The following SEPTIN9 variants were observed in gnomAD, a reference collection of about 807,000 sequenced individuals.
The protein encoded by SEPTIN9 is septin 9.
A neutral mutation model predicts 56.6 loss-of-function variants in SEPTIN9; 13 were observed. The observed-to-expected ratio is 0.23, with a 90% CI of 0.15 to 0.37. SEPTIN9 has a LOEUF of 0.37. Among genes scored for constraint, SEPTIN9 ranks in the 10% least tolerant of loss-of-function variants. The pLI is 1.00. For synonymous variants in SEPTIN9, 332 were observed against 334.1 expected (o/e 0.99, Z 0.07); for missense variants, 650 against 823.1 (o/e 0.79, Z 2.57).
Position 77,498,645 on chromosome 17 carries a change from C to T in SEPTIN9, c.1748C>T (p.Ala583Val), listed in dbSNP as rs764077284. The T allele has an allele frequency of 2.5e-6, 4 of 1,609,016 alleles. No individual in the cohort carries two copies. Among genetic ancestry groups the T allele is most frequent in the Non-Finnish European group, 3.4e-6 (4 of 1,178,178 alleles). Residue 583 changes from alanine (A) to valine (V), a missense_variant, in exon 12 of 12, where the codon GCC (alanine) becomes GTC (valine). Coordinates refer to ENST00000427177, the MANE Select transcript of SEPTIN9 (RefSeq NM_001113491.2). ...ANGMEEKEPE[A>V]PEM ...GGCATGGAGGAGAAGGAGCCAGAAG[C>T]CCCGGAGATGTAGACGCCACCCTGC... is the stretch of plus-strand genomic sequence containing the variant.
rs1459669747 is a variant in SEPTIN9 at position 77,487,909 on chromosome 17, A to G, written c.1043-331A>G. On this transcript the variant is annotated intron_variant, in intron 5 of 11. Coordinates refer to ENST00000427177, the MANE Select transcript of SEPTIN9 (RefSeq NM_001113491.2). The surrounding 1 kb of genome is among the most constrained non-coding windows in gnomAD (Gnocchi z 4.3). Reference sequence around the variant, plus strand: ...AGTCAGGCAATCCCAGGTCCCCAAGACGGGGACTCGCTGTGCCCACCATCC... The same window carrying G: ...AGTCAGGCAATCCCAGGTCCCCAAGGCGGGGACTCGCTGTGCCCACCATCC... 6.6e-6 allele frequency among the ~76,000 whole-genome samples: 1 copy of G among 152,108 alleles called. No homozygotes were observed. The highest frequency in any genetic ancestry group is 1.5e-5 in the Non-Finnish European group (1 of 68,004).
At chr17:77,454,653 C>A (rs2038116289) in intron 3 of SEPTIN9, among the ~76,000 whole-genome samples, 1 of 152,252 alleles carries the variant, frequency 6.6e-6, no homozygotes, top group Admixed American at 6.5e-5. Flanking sequence ...ACCTTCCCCA[C>A]CTCAGCCCCT....
intron 2 of SEPTIN9, among the ~76,000 whole-genome samples, chr17:77,342,397 C>T (rs1221158375): frequency 6.6e-6 from 1 of 152,222 alleles, no homozygotes; most frequent in East Asian, 1.9e-4. Context: ...TTCGCCATCT[C>T]CCTCTCATCA....
intron 10 of SEPTIN9, 147 bp from the exon 11 acceptor site, chr17:77,497,168 A>G (rs2040303582): frequency 2.6e-6 from 2 of 761,044 alleles, no homozygotes; most frequent in Non-Finnish European, 4.7e-6. Flanking sequence ...TCAGCTGCAG[A>G]GCAGGTGGTT....
At chr17:77,472,740 C>T (rs1388519490) in intron 3 of SEPTIN9, 1 of 152,224 alleles carries the variant, frequency 6.6e-6, no homozygotes, top group Non-Finnish European at 1.5e-5. Flanking sequence ...GGCAGAGTCT[C>T]AGATTTCCGG....
intron 3 of SEPTIN9, among the ~76,000 whole-genome samples, chr17:77,480,044 TGAA>T (rs1465465419): frequency 6.6e-6 from 1 of 152,076 alleles, no homozygotes; most frequent in African/African-American, 2.4e-5. Context: ...AGCAAAGCCC[TGAA>T]GGCTTCCAGG....
At position 77,433,213 on chromosome 17, in the gene SEPTIN9, T is replaced by G. The variant is rs1273245279; in HGVS notation, c.721+30510T>G. Among the ~76,000 whole-genome samples, 2 of 152,114 alleles carry G rather than the reference T, an allele frequency of 1.3e-5. No individual in the cohort carries two copies. Among genetic ancestry groups the G allele is most frequent in the Non-Finnish European group, 2.9e-5 (2 of 68,024 alleles). On this transcript the variant is annotated intron_variant, in intron 3 of 11. Transcript: ENST00000427177. This position sits in a 1 kb window ranked among gnomAD's most constrained non-coding sequence, Gnocchi z 6.4. ...CATCCCACCATCTCCAGCCGTGGTG[T>G]CCCTCTCGGTCACAGGATGCTGCAG...
In SEPTIN9 at chr17:77,371,678, C is replaced by T. The variant is rs1161151859; in HGVS notation, c.77-30381C>T. On this transcript the variant is annotated intron_variant, in intron 2 of 11. Coordinates refer to ENST00000427177, the MANE Select transcript of SEPTIN9 (RefSeq NM_001113491.2). This position sits in a 1 kb window ranked among gnomAD's most constrained non-coding sequence, Gnocchi z 4.1. ...GAGTTCAGACAAGACATACCCTGGC[C>T]TGGCGTGGAAGATACGGGGTGCTAT... is the stretch of plus-strand genomic sequence containing the variant. Among the ~76,000 whole-genome samples the T allele has an allele frequency of 6.6e-6, 1 of 152,188 alleles. No individual in the cohort carries two copies. Among genetic ancestry groups the T allele is most frequent in the Non-Finnish European group, 1.5e-5 (1 of 68,040 alleles).
Position 77,402,896 on chromosome 17 carries a change from C to A in SEPTIN9, c.721+193C>A, listed in dbSNP as rs1042896585. ...GGTGGCTCTCTCTGTCTGATGGGAA[C>A]ATGCCAAGATGCCCCAAGCGGGACT... On this transcript the variant is annotated intron_variant, in intron 3 of 11. Transcript: ENST00000427177. This position sits in a 1 kb window ranked among gnomAD's most constrained non-coding sequence, Gnocchi z 6.6. Among the ~76,000 whole-genome samples the A allele has an allele frequency of 6.6e-6, 1 of 152,182 alleles. No homozygotes were observed. The highest frequency in any genetic ancestry group is 1.5e-5 in the Non-Finnish European group (1 of 68,030).
chr17:77,432,334 GTCA>G (rs144958791), intron 3 of SEPTIN9, among the ~76,000 whole-genome samples: 3,195 of 152,314 alleles, frequency 0.021, 101 homozygotes, highest in African/African-American at 0.065. Context: ...CGTTGGCATC[GTCA>G]TCATCACGGC....
intron 3 of SEPTIN9, among the ~76,000 whole-genome samples, chr17:77,408,726 A>G (rs1056003125): frequency 7.9e-5 from 12 of 152,254 alleles, no homozygotes; most frequent in African/African-American, 2.9e-4. Flanking sequence ...ACTGGGCCCC[A>G]GAAGTTCCTG....
In SEPTIN9 at chr17:77,371,682, C is replaced by A. The variant is rs1443409615; in HGVS notation, c.77-30377C>A. On this transcript the variant is annotated intron_variant, in intron 2 of 11. Coordinates refer to ENST00000427177, the MANE Select transcript of SEPTIN9 (RefSeq NM_001113491.2). This position sits in a 1 kb window ranked among gnomAD's most constrained non-coding sequence, Gnocchi z 4.1. Reference sequence around the variant, plus strand: ...TCAGACAAGACATACCCTGGCCTGGCGTGGAAGATACGGGGTGCTATTAAT... The same window carrying A: ...TCAGACAAGACATACCCTGGCCTGGAGTGGAAGATACGGGGTGCTATTAAT... 6.6e-6 allele frequency among the ~76,000 whole-genome samples: 1 copy of A among 152,082 alleles called. No homozygotes were observed. The highest frequency in any genetic ancestry group is 1.5e-5 in the Non-Finnish European group (1 of 68,024).
At chr17:77,333,934 T>TA (rs61194056) in intron 2 of SEPTIN9, among the ~76,000 whole-genome samples, 152,281 of 152,282 alleles carry the variant, frequency 1, 76,140 homozygotes, top group Non-Finnish European at 1. Flanking sequence ...TACTTCTTTT[T>TA]AAAATTATGT....
chr17:77,284,490 T>C (rs945701104), intron 1 of SEPTIN9, among the ~76,000 whole-genome samples: 5 of 152,220 alleles, frequency 3.3e-5, no homozygotes, highest in African/African-American at 1.2e-4. Flanking sequence ...GTCCAGTGGT[T>C]ACACTTGGGG....
chr17:77,467,816 C>G (rs1039484862), intron 3 of SEPTIN9, among the ~76,000 whole-genome samples: 4 of 152,174 alleles, frequency 2.6e-5, no homozygotes, highest in Admixed American at 1.3e-4. Flanking sequence ...CTGGGAGAGA[C>G]GAGGGGCCGG....
chr17:77,291,372 G>T (rs1174165278), intron 1 of SEPTIN9, among the ~76,000 whole-genome samples: 2 of 151,502 alleles, frequency 1.3e-5, no homozygotes, highest in Non-Finnish European at 2.9e-5. Flanking sequence ...TAGCAGCCGG[G>T]CGCGGTGGCT....
At position 77,450,669 on chromosome 17, in the gene SEPTIN9, A is replaced by G. The variant is rs960612023; in HGVS notation, c.722-31475A>G. 3.2e-5 allele frequency: 32 copies of G among 985,988 alleles called. No homozygotes were observed. The highest frequency in any genetic ancestry group is 6.1e-5 in the Admixed American group (1 of 16,264). The allele number at this position is 985,988 out of a possible 1,614,324, so 61.1% of individuals were successfully genotyped here. A position where few individuals can be genotyped will look rare whatever the true frequency, so the allele number is the denominator to read the frequency against. On this transcript the variant is annotated intron_variant, in intron 3 of 11. Coordinates refer to ENST00000427177, the MANE Select transcript of SEPTIN9 (RefSeq NM_001113491.2). This position sits in a 1 kb window ranked among gnomAD's most constrained non-coding sequence, Gnocchi z 6.0. ...GGGTCCCAGCACATCCCAGGCCTGC[A>G]GGGAGGGGGAGAGGAAGAGACTGAC...
chr17:77,312,290 G>A (rs1405095354), intron 2 of SEPTIN9, among the ~76,000 whole-genome samples: 6 of 152,160 alleles, frequency 3.9e-5, no homozygotes, highest in South Asian at 2.1e-4. Context: ...GACCTGGGCC[G>A]GGTCTTCTTA....
At chr17:77,462,020 C>G (rs1250725630) in intron 3 of SEPTIN9, among the ~76,000 whole-genome samples, 1 of 152,208 alleles carries the variant, frequency 6.6e-6, no homozygotes, top group Non-Finnish European at 1.5e-5. Flanking sequence ...TCCTCCTATT[C>G]AGACCTTCAG....
Sources: allele counts gnomAD v4.1 joint callset (sites outside exome capture counted in the v4.1 genomes callset), GRCh38; gene constraint gnomAD v4.1.1; non-coding constraint Gnocchi (gnomAD v3.1); transcripts MANE v1.5; gene names NCBI Gene and HGNC (gene_info 2026-07-23, HGNC 2026-07-21).